Variants in CSGALNACT1 observed in about 807,000 individuals in gnomAD.
The protein encoded by CSGALNACT1 is chondroitin sulfate N-acetylgalactosaminyltransferase 1, also known as beta4GalNAcT-1.
In CSGALNACT1, 52 loss-of-function variants were observed where a neutral mutation model predicts 51.0. The ratio of observed to expected loss-of-function variants is 1.02; its 90% CI spans 0.82 to 1.29. The LOEUF (loss-of-function observed/expected upper bound fraction) is 1.29. Ranked by LOEUF, CSGALNACT1 falls within the 50% of genes most tolerant of loss-of-function variation. The probability of loss-of-function intolerance (pLI) is 0.00; values close to 1 mark genes in which losing one functional copy is unlikely to be tolerated. For missense variants in CSGALNACT1, 935 were observed against 679.2 expected, an observed-to-expected ratio of 1.38 and a Z score of -4.19; for synonymous variants, 341 against 254.4, an observed-to-expected ratio of 1.34 and a Z score of -3.24.
At chr8:19,673,241 G>C (rs1429748790) in intron 1 of CSGALNACT1, among the ~76,000 whole-genome samples, 2 of 152,148 alleles carry the variant, frequency 1.3e-5, no homozygotes, top group African/African-American at 4.8e-5. Context: ...GCCTTCACTG[G>C]GATTCCAGGT....
chr8:19,483,118 C>T (rs1179351047), intron 4 of CSGALNACT1, among the ~76,000 whole-genome samples: 1 of 152,190 alleles, frequency 6.6e-6, no homozygotes, highest in African/African-American at 2.4e-5. Flanking sequence ...TTCTCTTATC[C>T]CTAATTCTGC....
At chr8:19,687,880 C>A (rs2061064449) in intron 1 of CSGALNACT1, among the ~76,000 whole-genome samples, 1 of 152,198 alleles carries the variant, frequency 6.6e-6, no homozygotes, top group African/African-American at 2.4e-5. Context: ...GTGACTGAAG[C>A]AGATACTGTA....
rs1186216767 is a variant in CSGALNACT1 at position 19,408,468 on chromosome 8, C to CTTT, written c.1309+142_1309+144dup. 6.3e-4 allele frequency: 295 copies of CTTT among 469,692 alleles called. 38 individuals carry two copies. The African/African-American group carries it at 7.6e-3, about 12-fold the overall frequency. The allele number at this position is 469,692 out of a possible 1,614,324, so 29.1% of individuals were successfully genotyped here. ...AGCCACCGCACCTAGTCTGGAATAG[C>CTTT]TTTTTTTTTTTTTTTTTTTTTTTTT... On this transcript the variant is annotated intron_variant, in intron 9 of 9. Transcript: ENST00000454498.
At chr8:19,500,630 G>A (rs930140947) in intron 4 of CSGALNACT1, among the ~76,000 whole-genome samples, 3 of 152,170 alleles carry the variant, frequency 2.0e-5, no homozygotes, top group East Asian at 1.9e-4. Flanking sequence ...GTGATACACC[G>A]ACAAGTGAAG....
At chr8:19,513,081 T>G (rs940640562) in intron 3 of CSGALNACT1, among the ~76,000 whole-genome samples, 2 of 152,116 alleles carry the variant, frequency 1.3e-5, no homozygotes, top group African/African-American at 4.8e-5. Flanking sequence ...TCTTCTGCCA[T>G]TGACTCATCA....
At chr8:19,469,413 G>T (rs891494119) in intron 4 of CSGALNACT1, among the ~76,000 whole-genome samples, 1 of 151,856 alleles carries the variant, frequency 6.6e-6, no homozygotes, top group Admixed American at 6.6e-5. Context: ...AGAAAGAAAA[G>T]AAAAAAGAAA....
chr8:19,673,375 G>C (rs1198580220), intron 1 of CSGALNACT1, among the ~76,000 whole-genome samples: 2 of 152,216 alleles, frequency 1.3e-5, no homozygotes, highest in Non-Finnish European at 2.9e-5. Context: ...CTCATGCTCA[G>C]GACTGTAGAT....
At chr8:19,688,353 A>C (rs1485384846) in intron 1 of CSGALNACT1, among the ~76,000 whole-genome samples, 2 of 152,192 alleles carry the variant, frequency 1.3e-5, no homozygotes, top group Non-Finnish European at 2.9e-5. Context: ...TCTGTAAAAA[A>C]AAATCTCTTT....
chr8:19,665,865 A>G (rs1233439626), intron 1 of CSGALNACT1, among the ~76,000 whole-genome samples: 1 of 152,186 alleles, frequency 6.6e-6, no homozygotes, highest in Admixed American at 6.5e-5. Flanking sequence ...TACAGTTAAC[A>G]TTTCAACTTC....
intron 3 of CSGALNACT1, among the ~76,000 whole-genome samples, chr8:19,575,729 C>T (rs368356252): frequency 2.0e-5 from 3 of 151,848 alleles, no homozygotes; most frequent in East Asian, 1.9e-4. Flanking sequence ...AAAGTATTTA[C>T]GTGTGAAAGA....
At chr8:19,564,323 A>G (rs1412994570) in intron 3 of CSGALNACT1, among the ~76,000 whole-genome samples, 1 of 152,184 alleles carries the variant, frequency 6.6e-6, no homozygotes, top group African/African-American at 2.4e-5. Flanking sequence ...AAACAAAATA[A>G]AAACAGCCAC....
intron 4 of CSGALNACT1, among the ~76,000 whole-genome samples, chr8:19,463,587 G>A (rs1361425764): frequency 6.6e-6 from 1 of 152,190 alleles, no homozygotes; most frequent in Non-Finnish European, 1.5e-5. Context: ...CATGCAAATG[G>A]CAAGTACAAA....
At chr8:19,678,118 A>C (rs917725252) in intron 1 of CSGALNACT1, among the ~76,000 whole-genome samples, 2 of 152,138 alleles carry the variant, frequency 1.3e-5, no homozygotes, top group African/African-American at 4.8e-5. Flanking sequence ...CAAACAAAAA[A>C]AAAAATTACC....
chr8:19,738,940 A>T (rs893556275), intron 1 of CSGALNACT1, among the ~76,000 whole-genome samples: 2 of 152,204 alleles, frequency 1.3e-5, no homozygotes, highest in African/African-American at 4.8e-5. Context: ...GACTTCAGAG[A>T]CTAAACAATC....
At chr8:19,441,650 T>C (rs550755739) in intron 5 of CSGALNACT1, among the ~76,000 whole-genome samples, 3 of 152,326 alleles carry the variant, frequency 2.0e-5, no homozygotes, top group South Asian at 4.1e-4. Context: ...ATTCAGGACA[T>C]AGGCATGGGC....
chr8:19,732,383 A>C (rs2063740673), intron 1 of CSGALNACT1: 2 of 152,240 alleles, frequency 1.3e-5, no homozygotes, highest in Admixed American at 1.3e-4. Flanking sequence ...AGCTGCCATA[A>C]AATATGCACC....
intron 3 of CSGALNACT1, among the ~76,000 whole-genome samples, chr8:19,547,688 A>T (rs1420323327): frequency 6.6e-6 from 1 of 152,240 alleles, no homozygotes; most frequent in Non-Finnish European, 1.5e-5. Context: ...GTGTGAGAAC[A>T]GACTAATACC....
intron 1 of CSGALNACT1, among the ~76,000 whole-genome samples, chr8:19,709,278 G>C (rs1236839073): frequency 6.6e-6 from 1 of 152,160 alleles, no homozygotes; most frequent in Non-Finnish European, 1.5e-5. Context: ...CTTGATATCA[G>C]AATTCATTCT....
At chr8:19,501,190 A>C (rs535435410) in intron 4 of CSGALNACT1, among the ~76,000 whole-genome samples, 2 of 145,728 alleles carry the variant, frequency 1.4e-5, no homozygotes, top group East Asian at 4.3e-4. Flanking sequence ...ACAGAGGTTG[A>C]AGTGAGCTGA....
Sources: allele counts gnomAD v4.1 joint callset (sites outside exome capture counted in the v4.1 genomes callset), GRCh38; gene constraint gnomAD v4.1.1; transcripts MANE v1.5; gene names NCBI Gene and HGNC (gene_info 2026-07-23, HGNC 2026-07-21).